A2ML1: variants seen among roughly 807,000 people sequenced by gnomAD.
The protein encoded by A2ML1 is alpha-2-macroglobulin-like protein 1.
A neutral mutation model predicts 181.9 loss-of-function variants in A2ML1; 161 were observed. That is an observed-to-expected ratio of 0.89 (90% CI 0.78 to 1.01). The LOEUF (loss-of-function observed/expected upper bound fraction) is 1.01, where lower values mean the gene tolerates loss of function less well. Ranked by LOEUF, A2ML1 falls within the 50% of genes least tolerant of loss-of-function variation. A2ML1 has a pLI of 0.00. For synonymous variants in A2ML1, 663 were observed against 666.8 expected (o/e 0.99, Z 0.09); for missense variants, 1,670 against 1,768.1 (o/e 0.94, Z 1.00).
intron 12 of A2ML1, among the ~76,000 whole-genome samples, chr12:8,844,634 C>T (rs1943604489): frequency 6.6e-6 from 1 of 151,596 alleles, no homozygotes; most frequent in South Asian, 2.1e-4. Flanking sequence ...TCCTGTCAGT[C>T]TATGAGAGAC....
intron 35 of A2ML1, 183 bp from the exon 36 acceptor site, chr12:8,875,875 T>C (rs956338465): frequency 1.3e-5 from 2 of 152,212 alleles, no homozygotes; most frequent in Non-Finnish European, 1.5e-5. Context: ...TATATGAAAA[T>C]ACTAAGACAA....
intron 33 of A2ML1, among the ~76,000 whole-genome samples, chr12:8,871,250 G>T (rs1041406668): frequency 5.9e-5 from 9 of 152,172 alleles, no homozygotes; most frequent in African/African-American, 2.2e-4. Context: ...GGAATGTGCT[G>T]AAGTTTCTTC....
At position 8,851,942 on chromosome 12, in the gene A2ML1, AC is replaced by A. The variant is rs1468340106; in HGVS notation, c.2394del (p.Ser799GlnfsTer2). 6.2e-7 allele frequency: 1 copy of A among 1,613,978 alleles called. No homozygotes were observed. The highest frequency in any genetic ancestry group is 8.5e-7 in the Non-Finnish European group (1 of 1,180,004). On this transcript the variant is annotated frameshift_variant, in exon 19 of 36. Transcript: ENST00000299698. LOFTEE classifies it high-confidence loss of function. ...TTCTTTGTTGACCTGACTCTCCCTT[AC>A]TCAGTAGTCCGTGGGGAATCCTTTC... ...KPFFVDLTLP[Y>X]SVVRGESFRL...
intron 27 of A2ML1, 61 bp from the exon 28 acceptor site, chr12:8,861,074 G>A: frequency 6.2e-7 from 1 of 1,607,436 alleles, no homozygotes; most frequent in East Asian, 2.2e-5. Flanking sequence ...ATGATTTCCT[G>A]ATTACTTGCC....
At chr12:8,858,345 G>T (rs964190242) in intron 26 of A2ML1, 17 of 367,212 alleles carry the variant, frequency 4.6e-5, no homozygotes, top group Admixed American at 1.2e-4. Flanking sequence ...CACTTTGGGA[G>T]GCCGAGGCGG....
chr12:8,853,700 G>T (rs1029540914), intron 20 of A2ML1, among the ~76,000 whole-genome samples: 1 of 152,184 alleles, frequency 6.6e-6, no homozygotes, highest in African/African-American at 2.4e-5. Flanking sequence ...GAATCTCTCT[G>T]CTGGGCTGCC....
At position 8,842,379 on chromosome 12, in the gene A2ML1, C is replaced by G. The variant is rs1040756423; in HGVS notation, c.1249-755C>G. Among the ~76,000 whole-genome samples the G allele has an allele frequency of 4.9e-5, 7 of 141,444 alleles. No individual in the cohort carries two copies. In the Admixed American group the frequency reaches 5.4e-4, roughly 11 times the overall value. The allele number at this position is 141,444 out of a possible 152,430, so 92.8% of individuals were successfully genotyped here. ...GACTACAGGCGCCTGCCACCACGCC[C>G]GGCTAATTTTTTGTATTTTTTAGTA... On this transcript the variant is annotated intron_variant, in intron 11 of 35. Transcript: ENST00000299698.
chr12:8,869,109 C>CT (rs755886244), intron 32 of A2ML1, 26 bp from the exon 33 acceptor site: 5 of 1,611,268 alleles, frequency 3.1e-6, no homozygotes, highest in Admixed American at 1.7e-5. Flanking sequence ...CTCTTAGTAT[C>CT]TTTTTTTTCT....
chr12:8,857,730 C>T (rs1858360301), intron 25 of A2ML1, 142 bp downstream of exon 25: 14 of 1,135,914 alleles, frequency 1.2e-5, no homozygotes, highest in African/African-American at 1.6e-5. Context: ...TTATTTCACC[C>T]TCATGGATGG....
chr12:8,845,483 C>T lies in A2ML1; in HGVS notation c.1518C>T (p.His506=), dbSNP rs1469879399. Residue 506 remains histidine, a synonymous_variant, in exon 13 of 36, where the codon CAC becomes CAT. Coordinates refer to ENST00000299698, the MANE Select transcript of A2ML1 (RefSeq NM_144670.6). ...KGSLVMEGQK[H]LNSKKKGLKA... Reference sequence around the variant, plus strand: ...GTTTGGTGATGGAGGGGCAGAAACACCTGAACTCTAAGAAGAAAGGTGAGT... The same window carrying T: ...GTTTGGTGATGGAGGGGCAGAAACATCTGAACTCTAAGAAGAAAGGTGAGT... 1 of 1,614,000 alleles carries T rather than the reference C, an allele frequency of 6.2e-7. No individual in the cohort carries two copies. The highest frequency in any genetic ancestry group is 8.5e-7 in the Non-Finnish European group (1 of 1,180,020).
chr12:8,869,091 G>C (rs1944532916), intron 32 of A2ML1, 44 bp from the exon 33 acceptor site: 2 of 1,592,688 alleles, frequency 1.3e-6, no homozygotes, highest in African/African-American at 2.7e-5. Context: ...CCCCAGGGAA[G>C]GCTCTGGCTC....
At chr12:8,867,709 A>C in intron 29 of A2ML1, 133 bp from the exon 30 acceptor site, 1 of 730,662 alleles carries the variant, frequency 1.4e-6, no homozygotes, top group East Asian at 2.7e-5. Flanking sequence ...AGGTGGGTAT[A>C]GTTCTCTAAA....
Position 8,868,049 on chromosome 12 carries a change from T to G in A2ML1, c.3925T>G (p.Tyr1309Asp). The change falls in exon 30 of 36, where the codon TAT becomes GAT. Residue 1309 changes from tyrosine to aspartate, a missense_variant. Tyr to Asp is a radical substitution (Grantham distance 160, BLOSUM62 -3). Transcript: ENST00000299698. Reference protein sequence around the residue: ...TLEASGQGCVYVQTVLRYNIL... With the variant: ...TLEASGQGCVDVQTVLRYNIL... Reference sequence around the variant, plus strand: ...GGAGGCCTCAGGCCAGGGCTGTGTCTATGTGCAGGTAAGTAGAGATCCATG... The same window carrying G: ...GGAGGCCTCAGGCCAGGGCTGTGTCGATGTGCAGGTAAGTAGAGATCCATG... 1 of 1,614,022 alleles carries G rather than the reference T, an allele frequency of 6.2e-7. No individual in the cohort carries two copies. The highest frequency in any genetic ancestry group is 8.5e-7 in the Non-Finnish European group (1 of 1,179,846).
chr12:8,865,410 G>A (rs1291614371), intron 29 of A2ML1, among the ~76,000 whole-genome samples: 5 of 152,132 alleles, frequency 3.3e-5, no homozygotes, highest in Non-Finnish European at 7.3e-5. Context: ...GTGGTGGCGG[G>A]TGCCTGTAAT....
chr12:8,877,251 G>A (rs1345059639), downstream of A2ML1, among the ~76,000 whole-genome samples: 3 of 152,178 alleles, frequency 2.0e-5, no homozygotes, highest in Non-Finnish European at 4.4e-5. Context: ...GGTATCCACT[G>A]GATCCATTAT....
rs910592329 is a variant in A2ML1 at position 8,868,618 on chromosome 12, C to T, written c.4143C>T (p.Thr1381=). 2 of 1,613,458 alleles carry T rather than the reference C, an allele frequency of 1.2e-6. No individual in the cohort carries two copies. The highest frequency in any genetic ancestry group is 2.7e-5 in the African/African-American group (2 of 74,886). ...CTGGGTTCAGTCCCATGGAGGGCACCAATCAGTTAGTAAGTTACTTCTGTT... is the reference window on the plus strand; with the variant it reads ...CTGGGTTCAGTCCCATGGAGGGCACTAATCAGTTAGTAAGTTACTTCTGTT... ...MLSGFSPMEG[T]NQLLLQQPLV... is the part of the protein sequence containing the mutation. Residue 1381 remains threonine (T), a synonymous_variant, in exon 32 of 36, where the codon ACC becomes ACT. Coordinates refer to ENST00000299698, the MANE Select transcript of A2ML1 (RefSeq NM_144670.6).
chr12:8,831,517 C>G (rs1337152389), intron 4 of A2ML1, among the ~76,000 whole-genome samples: 1 of 152,150 alleles, frequency 6.6e-6, no homozygotes, highest in Non-Finnish European at 1.5e-5. Context: ...AGTTGAAACA[C>G]TGAGATTAAC....
rs1943830312 is a variant in A2ML1, at chr12:8,849,937, G to A, written c.2119+178G>A. The stretch of plus-strand genomic sequence containing the variant: ...TCTCTCTCTGGGGAGAGCTTTTGAA[G>A]CCTGAAGCTTATGTATCCATTCCCC... On this transcript the variant is annotated intron_variant, in intron 17 of 35. Coordinates refer to ENST00000299698, the MANE Select transcript of A2ML1 (RefSeq NM_144670.6). Among the ~76,000 whole-genome samples the A allele has an allele frequency of 2.0e-5, 3 of 152,248 alleles. No homozygotes were observed. In the South Asian group the frequency reaches 6.2e-4, roughly 32 times the overall value.
chr12:8,865,711 G>C (rs1239085355), intron 29 of A2ML1, among the ~76,000 whole-genome samples: 1 of 152,300 alleles, frequency 6.6e-6, no homozygotes, highest in East Asian at 1.9e-4. Flanking sequence ...GAAATTGAAT[G>C]AGTGGTGTGG....
Sources: gnomAD v4.1 joint callset for allele counts (sites outside exome capture counted in the v4.1 genomes callset) on GRCh38, gnomAD v4.1.1 for gene constraint, MANE v1.5 for transcripts, NCBI Gene and HGNC (gene_info 2026-07-23, HGNC 2026-07-21) for gene names.